Variants in RAB1A observed in about 807,000 individuals in gnomAD.
RAB1A encodes RAB1A, member RAS oncogene family.
A neutral mutation model predicts 26.0 loss-of-function variants in RAB1A; 2 were observed. The observed-to-expected ratio is 0.08, with a 90% CI of 0.03 to 0.24. The LOEUF (loss-of-function observed/expected upper bound fraction) is 0.24, where lower values mean the gene tolerates loss of function less well. Among genes scored for constraint, RAB1A ranks in the 10% least tolerant of loss-of-function variants. RAB1A has a pLI of 1.00. For synonymous variants in RAB1A, 84 were observed against 84.9 expected (o/e 0.99, Z 0.06); for missense variants, 100 against 247.0 (o/e 0.40, Z 3.99).
At chr2:65,101,991 C>T (rs568557961) in intron 2 of RAB1A, among the ~76,000 whole-genome samples, 8 of 152,160 alleles carry the variant, frequency 5.3e-5, no homozygotes, top group Admixed American at 2.6e-4. Context: ...TCAGATGATC[C>T]GCCAGCCTCA....
chr2:65,112,082 CA>C (rs557870565), intron 1 of RAB1A, among the ~76,000 whole-genome samples: 2 of 149,400 alleles, frequency 1.3e-5, no homozygotes, highest in African/African-American at 4.9e-5. Flanking sequence ...GACTCCATCT[CA>C]AAAAAAACAA....
At chr2:65,114,551 A>C (rs1280072373) in intron 1 of RAB1A, among the ~76,000 whole-genome samples, 2 of 152,142 alleles carry the variant, frequency 1.3e-5, no homozygotes, top group Non-Finnish European at 1.5e-5. Context: ...CCAATACAAC[A>C]GTTTAAGGGG....
Position 65,130,002 on chromosome 2 carries a change from A to G in RAB1A, c.-87T>C. On this transcript the variant is annotated 5_prime_UTR_variant, in exon 1 of 6. Transcript: ENST00000409784. ...TCCGCGCCACGGGTAATCGAAAGAA[A>G]GGAATGAGATAGGCTGTTCCGGGAG... is the stretch of plus-strand genomic sequence containing the variant. 7.0e-7 allele frequency: 1 copy of G among 1,438,454 alleles called. No homozygotes were observed. The highest frequency in any genetic ancestry group is 2.0e-5 in the Admixed American group (1 of 50,926). The allele number at this position is 1,438,454 out of a possible 1,614,324, so 89.1% of individuals were successfully genotyped here.
chr2:65,113,829 C>CT (rs1669759407), intron 1 of RAB1A, among the ~76,000 whole-genome samples: 1 of 152,180 alleles, frequency 6.6e-6, no homozygotes, highest in African/African-American at 2.4e-5. Context: ...TCTCAGCACT[C>CT]TGAGAGGCTG....
At chr2:65,089,867 T>G (rs1048922188) in intron 4 of RAB1A, among the ~76,000 whole-genome samples, 8 of 152,300 alleles carry the variant, frequency 5.3e-5, no homozygotes, top group Admixed American at 3.3e-4. Flanking sequence ...CACGCCTGGC[T>G]AATTTTTGTA....
intron 1 of RAB1A, among the ~76,000 whole-genome samples, chr2:65,113,209 AGTTCAATTTCCATTATTTGTTTGCGTGC>A (rs1464026462): frequency 6.6e-6 from 1 of 152,220 alleles, no homozygotes; most frequent in Non-Finnish European, 1.5e-5. Flanking sequence ...TTCAGTTTAG[AGTTCAATTTCCATTATTTGTTTGCGTGC>A]AAAAATGGCA....
intron 1 of RAB1A, among the ~76,000 whole-genome samples, chr2:65,117,722 A>G (rs1362913899): frequency 7.7e-6 from 1 of 130,590 alleles, no homozygotes; most frequent in African/African-American, 2.9e-5. Flanking sequence ...GCGTGCCACC[A>G]CGTCCAGCTA....
At chr2:65,121,251 A>AAC (rs1168891314) in intron 1 of RAB1A, among the ~76,000 whole-genome samples, 3 of 151,626 alleles carry the variant, frequency 2.0e-5, no homozygotes, top group Admixed American at 2.0e-4. Context: ...AAAAAAAAAA[A>AAC]AAACCATAGC....
At chr2:65,109,291 G>C (rs1187729484) in intron 1 of RAB1A, among the ~76,000 whole-genome samples, 1 of 152,146 alleles carries the variant, frequency 6.6e-6, no homozygotes, top group South Asian at 2.1e-4. Flanking sequence ...TTAGCAAATG[G>C]TAAGACTTTA....
intron 3 of RAB1A, among the ~76,000 whole-genome samples, chr2:65,095,632 G>A (rs577474894): frequency 1.3e-5 from 2 of 150,976 alleles, no homozygotes; most frequent in East Asian, 3.9e-4. Flanking sequence ...CCAAAGTGCT[G>A]GGATTACAGG....
intron 1 of RAB1A, among the ~76,000 whole-genome samples, chr2:65,119,219 C>A (rs1669895221): frequency 6.7e-6 from 1 of 149,388 alleles, no homozygotes. Context: ...ATAAAAAGTT[C>A]TTGAGGCCTG....
At chr2:65,097,426 A>C (rs1054050471) in intron 3 of RAB1A, among the ~76,000 whole-genome samples, 4 of 152,198 alleles carry the variant, frequency 2.6e-5, no homozygotes, top group Non-Finnish European at 5.9e-5. Context: ...CAAGTCATTA[A>C]ATCTTTCAGC....
intron 3 of RAB1A, among the ~76,000 whole-genome samples, chr2:65,094,702 G>A (rs547315632): frequency 6.6e-6 from 1 of 152,140 alleles, no homozygotes; most frequent in South Asian, 2.1e-4. Context: ...AATAAGAAAG[G>A]GCCATGAGCC....
At position 65,093,356 on chromosome 2, in the gene RAB1A, A is replaced by T. The variant is rs1415543134; in HGVS notation, c.193-2278T>A. Among the ~76,000 whole-genome samples the T allele has an allele frequency of 4.6e-5, 7 of 152,330 alleles. No homozygotes were observed. The East Asian group carries it at 1.4e-3, about 29-fold the overall frequency. ...TGGTGTAATGTAGACATTTTCATAA[A>T]GCCTCATGAATGAACAATCACAGAA... On this transcript the variant is annotated intron_variant, in intron 3 of 5. Coordinates refer to ENST00000409784, the MANE Select transcript of RAB1A (RefSeq NM_004161.5).
intron 1 of RAB1A, among the ~76,000 whole-genome samples, chr2:65,106,865 C>A (rs1257053504): frequency 6.6e-6 from 1 of 151,470 alleles, no homozygotes; most frequent in Non-Finnish European, 1.5e-5. Flanking sequence ...TTAATTAAAC[C>A]AAATATTCTT....
At chr2:65,089,105 C>CGATAATATA in intron 4 of RAB1A, 35 bp from the exon 5 acceptor site, 2 of 1,557,626 alleles carry the variant, frequency 1.3e-6, no homozygotes, top group South Asian at 2.3e-5. Context: ...TAATATAGTT[C>CGATAATATA]GATAATATAG....
chr2:65,129,366 G>A (rs1388637118), intron 1 of RAB1A, among the ~76,000 whole-genome samples: 2 of 152,002 alleles, frequency 1.3e-5, no homozygotes, highest in Non-Finnish European at 2.9e-5. Context: ...ACGCAGTCCC[G>A]AAAAGCATCC....
intron 2 of RAB1A, among the ~76,000 whole-genome samples, chr2:65,101,396 C>G (rs1377677795): frequency 1.3e-5 from 2 of 152,128 alleles, no homozygotes; most frequent in Non-Finnish European, 1.5e-5. Context: ...TCTGTGCCCC[C>G]AGAGCTTATT....
chr2:65,092,043 GA>G (rs778814702), intron 3 of RAB1A, among the ~76,000 whole-genome samples: 2 of 152,204 alleles, frequency 1.3e-5, no homozygotes, highest in Non-Finnish European at 2.9e-5. Context: ...GTGGGGCCGA[GA>G]CGGGCGGATT....
Sources: gnomAD v4.1 joint callset for allele counts (sites outside exome capture counted in the v4.1 genomes callset) on GRCh38, gnomAD v4.1.1 for gene constraint, MANE v1.5 for transcripts, NCBI Gene and HGNC (gene_info 2026-07-23, HGNC 2026-07-21) for gene names.